Variants in ABCB4 observed in about 807,000 individuals in gnomAD.
ABCB4 encodes ATP binding cassette subfamily B member 4.
ABCB4 carries 76 observed loss-of-function variants against 145.7 expected under a neutral mutation model. The observed-to-expected ratio is 0.52, with a 90% CI of 0.43 to 0.63. The LOEUF (loss-of-function observed/expected upper bound fraction) is 0.63, where lower values mean the gene tolerates loss of function less well. ABCB4 is among the 30% of genes least tolerant of loss of function. The pLI is 0.00. For synonymous variants in ABCB4, 517 were observed against 566.8 expected, an observed-to-expected ratio of 0.91 and a Z score of 1.25; for missense variants, 1,234 against 1,553.1, an observed-to-expected ratio of 0.79 and a Z score of 3.45.
chr7:87,428,971 T>G (rs1456245527), intron 15 of ABCB4, among the ~76,000 whole-genome samples: 2 of 152,058 alleles, frequency 1.3e-5, no homozygotes, highest in Non-Finnish European at 2.9e-5. Context: ...CAGAAAAAAA[T>G]TAAGATACAT....
At chr7:87,433,208 A>G (rs2116623888) in intron 14 of ABCB4, among the ~76,000 whole-genome samples, 1 of 152,346 alleles carries the variant, frequency 6.6e-6, no homozygotes, top group East Asian at 1.9e-4. Context: ...TCCTTACATT[A>G]AAATAAATCC....
At chr7:87,376,871 C>CT in the ABCB4 span, among the ~76,000 whole-genome samples, 7 of 152,058 alleles carry the variant, frequency 4.6e-5, no homozygotes, top group Middle Eastern at 6.8e-3. Context: ...TTTTATTCTC[C>CT]TTTTTTGTAA....
At chr7:87,382,374 G>C in the ABCB4 span, 1 of 1,599,668 alleles carries the variant, frequency 6.3e-7, no homozygotes, top group Non-Finnish European at 8.5e-7. Context: ...ATTCTCCTTA[G>C]GTGATTTTTC....
At chr7:87,416,126 C>A (rs548079920) in intron 21 of ABCB4, among the ~76,000 whole-genome samples, 1 of 152,130 alleles carries the variant, frequency 6.6e-6, no homozygotes. Flanking sequence ...GAGGATGCAG[C>A]GTGAAAATGA....
intron 15 of ABCB4, among the ~76,000 whole-genome samples, chr7:87,430,987 G>A (rs1379454050): frequency 6.6e-6 from 1 of 152,176 alleles, no homozygotes; most frequent in African/African-American, 2.4e-5. Flanking sequence ...GCAGTGCTCT[G>A]GAAAAGGCGG....
In ABCB4 at chr7:87,444,981, CA is replaced by C. The variant is rs758779838; in HGVS notation, c.1006-7del. The C allele has an allele frequency of 6.3e-7, 1 of 1,581,562 alleles. No individual in the cohort carries two copies. Among genetic ancestry groups the C allele is most frequent in the Admixed American group, 1.7e-5 (1 of 59,492 alleles). On this transcript the variant is annotated splice_polypyrimidine_tract_variant and splice_region_variant and intron_variant, in intron 9 of 27. Transcript: ENST00000649586. Reference sequence around the variant, plus strand: ...ATTAGGATTGAAAAAAAAACCTGAGCAAAATAACATGAGGAAAAGTTTAAGT... The same window carrying C: ...ATTAGGATTGAAAAAAAAACCTGAGCAAATAACATGAGGAAAAGTTTAAGT...
At chr7:87,457,889 CT>C (rs1554411670) in intron 4 of ABCB4, among the ~76,000 whole-genome samples, 1 of 151,446 alleles carries the variant, frequency 6.6e-6, no homozygotes, top group Non-Finnish European at 1.5e-5. Context: ...CCCAAGACTT[CT>C]TTTTTTTTCA....
intron 16 of ABCB4, 149 bp from the exon 17 acceptor site, chr7:87,424,201 T>G (rs1422829632): frequency 7.6e-6 from 7 of 922,422 alleles, no homozygotes; most frequent in Non-Finnish European, 1.2e-5. Flanking sequence ...TAGGACAGTA[T>G]ATTATAACAT....
rs1471180323 is a variant in ABCB4, at chr7:87,444,854, T to G, written c.1119+8A>C. The G allele has an allele frequency of 1.1e-5, 18 of 1,593,368 alleles. No homozygotes were observed. Among genetic ancestry groups the G allele is most frequent in the Non-Finnish European group, 1.5e-5 (17 of 1,167,862 alleles). ...CTTCTTTTGGCACTAAAATAATAAA[T>G]GACTTACATTATCAATAATATCAAA... On this transcript the variant is annotated splice_region_variant and intron_variant, in intron 10 of 27. Transcript: ENST00000649586.
At chr7:87,434,767 G>A (rs1191107938) in intron 14 of ABCB4, among the ~76,000 whole-genome samples, 1 of 152,180 alleles carries the variant, frequency 6.6e-6, no homozygotes, top group East Asian at 1.9e-4. Context: ...TTATTTTAAT[G>A]TAGACATATT....
chr7:87,382,002 G>GAAT, the ABCB4 span: 1 of 1,592,792 alleles, frequency 6.3e-7, no homozygotes, highest in South Asian at 1.1e-5. Context: ...AGGTATGTTT[G>GAAT]AATAAATATT....
At chr7:87,413,902 G>C (rs1467903371) in intron 21 of ABCB4, among the ~76,000 whole-genome samples, 185 bp from the exon 22 acceptor site, 1 of 152,202 alleles carries the variant, frequency 6.6e-6, no homozygotes, top group Non-Finnish European at 1.5e-5. Context: ...GGTACTTCTG[G>C]CTGTGCTAAG....
rs10647775 is a variant in ABCB4 at position 87,426,944 on chromosome 7, AGTGTGT to A, written c.1894-30_1894-25del. 451 of 1,032,816 alleles carry A rather than the reference AGTGTGT, an allele frequency of 4.4e-4. 1 individual carries two copies. Among genetic ancestry groups the A allele is most frequent in the Middle Eastern group, 3.4e-3 (12 of 3,552 alleles). The allele number at this position is 1,032,816 out of a possible 1,614,324, so 64.0% of individuals were successfully genotyped here. A position where few individuals can be genotyped will look rare whatever the true frequency, so the allele number is the denominator to read the frequency against. On this transcript the variant is annotated intron_variant, in intron 15 of 27. Coordinates refer to ENST00000649586, the MANE Select transcript of ABCB4 (RefSeq NM_000443.4). ...GTCTGAAAGAATATCAAGACATTAAAGTGTGTGTGTGTGTGTGTGTGTGTGTGTGTG... is the reference window on the plus strand; with the variant it reads ...GTCTGAAAGAATATCAAGACATTAAAGTGTGTGTGTGTGTGTGTGTGTGTG...
intron 22 of ABCB4, 118 bp from the exon 23 acceptor site, chr7:87,412,151 A>G: frequency 9.8e-7 from 1 of 1,019,248 alleles, no homozygotes; most frequent in Admixed American, 1.9e-5. Context: ...CTCCAGTTAT[A>G]TTAGTTTGGG....
At chr7:87,384,005 G>A in the ABCB4 span, among the ~76,000 whole-genome samples, 170 of 151,844 alleles carry the variant, frequency 1.1e-3, 5 homozygotes, top group East Asian at 0.028. Flanking sequence ...CAGACTGTTC[G>A]CCATAGTGGC....
rs994872048 is a variant in ABCB4 at position 87,452,885 on chromosome 7, C to T, written c.536+59G>A. The T allele has an allele frequency of 4.5e-6, 7 of 1,551,492 alleles. No individual in the cohort carries two copies. In the African/African-American group the frequency reaches 9.5e-5, roughly 21 times the overall value. ...TTTTTCATTTAAAATCTTTCCTTGA[C>T]ATATTTTCACACAGTAATTAATTTC... On this transcript the variant is annotated intron_variant, in intron 6 of 27. Transcript: ENST00000649586.
intron 8 of ABCB4, among the ~76,000 whole-genome samples, chr7:87,448,083 G>A (rs1298949510): frequency 1.3e-5 from 2 of 151,940 alleles, no homozygotes; most frequent in African/African-American, 4.8e-5. Flanking sequence ...TTGATATAAA[G>A]TTTAAAATAT....
intron 4 of ABCB4, among the ~76,000 whole-genome samples, chr7:87,458,419 C>A (rs1299697217): frequency 6.6e-6 from 1 of 152,114 alleles, no homozygotes; most frequent in African/African-American, 2.4e-5. Flanking sequence ...TAATATGAAC[C>A]TTTTTTTCTT....
the ABCB4 span, chr7:87,381,770 T>C: frequency 1.7e-6 from 1 of 573,602 alleles, no homozygotes; most frequent in Non-Finnish European, 3.0e-6. Flanking sequence ...TTCTATCTTA[T>C]CATATCCTCA....
Sources: gnomAD v4.1 joint callset for allele counts (sites outside exome capture counted in the v4.1 genomes callset) on GRCh38, gnomAD v4.1.1 for gene constraint, MANE v1.5 for transcripts, NCBI Gene and HGNC (gene_info 2026-07-23, HGNC 2026-07-21) for gene names.